VWC2: variants seen among roughly 807,000 people sequenced by gnomAD.
The protein encoded by VWC2 is brorin.
In VWC2, 14 loss-of-function variants were observed where a neutral mutation model predicts 29.8. That is an observed-to-expected ratio of 0.47 (90% CI 0.31 to 0.74). The LOEUF is 0.74. VWC2 is among the 30% of genes least tolerant of loss of function. The probability of loss-of-function intolerance (pLI) is 0.05; values close to 1 mark genes in which losing one functional copy is unlikely to be tolerated. For synonymous variants in VWC2, 213 were observed against 199.0 expected, an observed-to-expected ratio of 1.07 and a Z score of -0.59; for missense variants, 457 against 459.8, an observed-to-expected ratio of 0.99 and a Z score of 0.05.
chr7:49,916,767 C>T lies in VWC2; in HGVS notation c.*4582C>T, dbSNP rs183181452. On this transcript the variant is annotated 3_prime_UTR_variant, in exon 4 of 4. Coordinates refer to ENST00000340652, the MANE Select transcript of VWC2 (RefSeq NM_198570.5). ...AAAAACTCCCATTACTGTTTGCCAA[C>T]CCAGTTGTCTTTTGATTTCTCTGTC... The T allele has an allele frequency of 6.6e-5, 10 of 152,312 alleles. No individual in the cohort carries two copies. The highest frequency in any genetic ancestry group is 1.9e-4 in the East Asian group (1 of 5,190). The allele number at this position is 152,312 out of a possible 1,614,324, so 9.4% of individuals were successfully genotyped here.
At position 49,850,225 on chromosome 7, in the gene VWC2, ACTGTAGTAAC is replaced by A. The variant is rs201946077; in HGVS notation, c.826+47390_826+47399del. ...AGGGTCTGTCATCAATGAAGGTTTG[ACTGTAGTAAC>A]CTGTCCACTTCATGCCACACACCAG... On this transcript the variant is annotated intron_variant, in intron 3 of 3. Transcript: ENST00000340652. 6.1e-3 allele frequency among the ~76,000 whole-genome samples: 925 copies of A among 152,310 alleles called. 12 individuals carry two copies. Among genetic ancestry groups the A allele is most frequent in the African/African-American group, 0.021 (883 of 41,560 alleles).
At chr7:49,859,228 T>C (rs1790550096) in intron 3 of VWC2, among the ~76,000 whole-genome samples, 1 of 152,246 alleles carries the variant, frequency 6.6e-6, no homozygotes, top group African/African-American at 2.4e-5. Flanking sequence ...ATTGCAGATA[T>C]CTTGAGTTAC....
chr7:49,791,182 T>C (rs1788455854), intron 2 of VWC2, among the ~76,000 whole-genome samples: 2 of 152,222 alleles, frequency 1.3e-5, no homozygotes, highest in African/African-American at 2.4e-5. Flanking sequence ...ACTGTATAAA[T>C]GGAAGGGACT....
At chr7:49,857,484 A>G (rs1790473986) in intron 3 of VWC2, among the ~76,000 whole-genome samples, 4 of 152,224 alleles carry the variant, frequency 2.6e-5, no homozygotes, top group Admixed American at 2.0e-4. Flanking sequence ...TAGTGCTGCA[A>G]TTAACATGGG....
chr7:49,856,338 C>T (rs148426314), intron 3 of VWC2, among the ~76,000 whole-genome samples: 1 of 152,262 alleles, frequency 6.6e-6, no homozygotes, highest in Non-Finnish European at 1.5e-5. Context: ...TGGCACCTCC[C>T]TTTTCTCTCT....
chr7:49,774,523 C>T (rs1380243969), intron 1 of VWC2, among the ~76,000 whole-genome samples: 1 of 152,226 alleles, frequency 6.6e-6, no homozygotes, highest in Non-Finnish European at 1.5e-5. Context: ...CGCGCCCACT[C>T]TGCGCCCTGG....
chr7:49,778,562 C>T (rs559104169), intron 2 of VWC2, among the ~76,000 whole-genome samples: 4 of 152,226 alleles, frequency 2.6e-5, no homozygotes, highest in Admixed American at 6.5e-5. Flanking sequence ...GCTAATTTAT[C>T]GTGGCCTTGT....
At chr7:49,875,120 C>A (rs1384942914) in intron 3 of VWC2, among the ~76,000 whole-genome samples, 1 of 151,366 alleles carries the variant, frequency 6.6e-6, no homozygotes, top group East Asian at 1.9e-4. Flanking sequence ...GCCTGTAATC[C>A]CAGCACTTTG....
Position 49,802,818 on chromosome 7 carries a change from G to A in VWC2, c.804G>A (p.Gln268=). The change falls in exon 3 of 4, where the codon CAG becomes CAA. Residue 268 remains glutamine (Q), a synonymous_variant. Coordinates refer to ENST00000340652, the MANE Select transcript of VWC2 (RefSeq NM_198570.5). The part of the protein sequence containing the change: ...ECVDPVYEPD[Q]CCPICKNGPN... Reference sequence around the variant, plus strand: ...TGGACCCTGTGTACGAGCCTGATCAGTGCTGTCCCATCTGCAAAAATGGTA... The same window carrying A: ...TGGACCCTGTGTACGAGCCTGATCAATGCTGTCCCATCTGCAAAAATGGTA... The A allele has an allele frequency of 6.2e-7, 1 of 1,614,240 alleles. No individual in the cohort carries two copies. Among genetic ancestry groups the A allele is most frequent in the Non-Finnish European group, 8.5e-7 (1 of 1,180,050 alleles).
rs1793682526 is a variant in VWC2, at chr7:49,915,686, A to C, written c.*3501A>C. ...TGTGGACTATTTAAACATGTAGAAA[A>C]CAAAATTATAGACATAAACTATGAT... On this transcript the variant is annotated 3_prime_UTR_variant, in exon 4 of 4. Transcript: ENST00000340652. The C allele has an allele frequency of 1.3e-5, 2 of 152,202 alleles. No individual in the cohort carries two copies. Among genetic ancestry groups the C allele is most frequent in the African/African-American group, 4.8e-5 (2 of 41,466 alleles). The allele number at this position is 152,202 out of a possible 1,614,324, so 9.4% of individuals were successfully genotyped here. A position where few individuals can be genotyped will look rare whatever the true frequency, so the allele number is the denominator to read the frequency against.
At chr7:49,900,747 T>C (rs908161529) in intron 3 of VWC2, among the ~76,000 whole-genome samples, 5 of 151,822 alleles carry the variant, frequency 3.3e-5, no homozygotes, top group South Asian at 2.1e-4. Flanking sequence ...AGAACTGATA[T>C]CAATATTTTA....
intron 3 of VWC2, among the ~76,000 whole-genome samples, chr7:49,835,285 G>A (rs1240542390): frequency 6.6e-6 from 1 of 152,244 alleles, no homozygotes; most frequent in African/African-American, 2.4e-5. Flanking sequence ...GGAGGAATGA[G>A]AGGTGACTGA....
intron 2 of VWC2, among the ~76,000 whole-genome samples, chr7:49,798,847 G>A (rs1788662974): frequency 6.6e-6 from 1 of 152,216 alleles, no homozygotes; most frequent in Admixed American, 6.5e-5. Flanking sequence ...GGCTGTGCAA[G>A]GCCTAGGTTT....
At chr7:49,887,310 C>T (rs1476650634) in intron 3 of VWC2, among the ~76,000 whole-genome samples, 2 of 152,174 alleles carry the variant, frequency 1.3e-5, no homozygotes, top group Non-Finnish European at 2.9e-5. Context: ...GGATATTCTG[C>T]ATCATTTGAA....
Position 49,857,537 on chromosome 7 carries a change from T to C in VWC2, c.827-54497T>C, listed in dbSNP as rs147741379. ...AGAAGACATACAGATGGCCGACAGG[T>C]AGAAGAAAAAGTGCTCAACATTGCT... On this transcript the variant is annotated intron_variant, in intron 3 of 3. Coordinates refer to ENST00000340652, the MANE Select transcript of VWC2 (RefSeq NM_198570.5). Among the ~76,000 whole-genome samples, 1,132 of 152,218 alleles carry C rather than the reference T, an allele frequency of 7.4e-3. 10 individuals are homozygous for C. The highest frequency in any genetic ancestry group is 0.026 in the African/African-American group (1,065 of 41,530).
At chr7:49,826,583 C>T (rs1394222978) in intron 3 of VWC2, among the ~76,000 whole-genome samples, 1 of 152,094 alleles carries the variant, frequency 6.6e-6, no homozygotes, top group Non-Finnish European at 1.5e-5. Context: ...AAAATATTGT[C>T]TTAATCATTT....
At chr7:49,854,633 A>C (rs1790341259) in intron 3 of VWC2, among the ~76,000 whole-genome samples, 1 of 152,204 alleles carries the variant, frequency 6.6e-6, no homozygotes, top group Non-Finnish European at 1.5e-5. Flanking sequence ...AGATAAGTAG[A>C]TTGCAAAATT....
chr7:49,856,040 A>T (rs1207066148), intron 3 of VWC2, among the ~76,000 whole-genome samples: 1 of 152,202 alleles, frequency 6.6e-6, no homozygotes, highest in East Asian at 1.9e-4. Context: ...GTTCAGGTAT[A>T]TAAGGCTGCC....
At chr7:49,889,218 A>C (rs573357199) in intron 3 of VWC2, among the ~76,000 whole-genome samples, 33 of 152,304 alleles carry the variant, frequency 2.2e-4, no homozygotes, top group South Asian at 4.1e-4. Context: ...TTTAAAATAT[A>C]TTAATGGAAT....
Sources: allele counts gnomAD v4.1 joint callset (sites outside exome capture counted in the v4.1 genomes callset), GRCh38; gene constraint gnomAD v4.1.1; transcripts MANE v1.5; gene names NCBI Gene and HGNC (gene_info 2026-07-23, HGNC 2026-07-21).